NLGN1: variants seen among roughly 807,000 people sequenced by gnomAD.
NLGN1 encodes neuroligin 1.
NLGN1 carries 12 observed loss-of-function variants against 65.5 expected under a neutral mutation model. The observed-to-expected ratio is 0.18, with a 90% confidence interval of 0.12 to 0.30. NLGN1 has a LOEUF of 0.30. Ranked by LOEUF, NLGN1 falls within the 10% of genes least tolerant of loss-of-function variation. The pLI is 1.00. For missense variants in NLGN1, 750 were observed against 1,007.1 expected (o/e 0.74, Z 3.46); for synonymous variants, 350 against 359.5 (o/e 0.97, Z 0.30).
intron 4 of NLGN1, among the ~76,000 whole-genome samples, chr3:174,113,886 T>C (rs1191620311): frequency 6.6e-6 from 1 of 152,194 alleles, no homozygotes; most frequent in Non-Finnish European, 1.5e-5. Flanking sequence ...GAAGAGTCTA[T>C]ATCAGCTCTT....
chr3:173,935,630 T>A (rs1022953997), intron 4 of NLGN1, among the ~76,000 whole-genome samples: 22 of 145,932 alleles, frequency 1.5e-4, no homozygotes, highest in East Asian at 5.9e-4. Flanking sequence ...ACACTCTCTC[T>A]CTCTCTCTCT....
intron 2 of NLGN1, among the ~76,000 whole-genome samples, chr3:173,534,708 C>T (rs544931529): frequency 6.6e-6 from 1 of 152,178 alleles, no homozygotes; most frequent in African/African-American, 2.4e-5. Context: ...GAAATTAAGG[C>T]CAAGACAGTA....
chr3:174,034,254 C>G (rs1288305458), intron 4 of NLGN1, among the ~76,000 whole-genome samples: 1 of 151,892 alleles, frequency 6.6e-6, no homozygotes, highest in Non-Finnish European at 1.5e-5. Flanking sequence ...TAAAGCTTTT[C>G]TCAAACAAAC....
At chr3:173,845,610 A>G (rs776127939) in intron 4 of NLGN1, among the ~76,000 whole-genome samples, 43 of 95,244 alleles carry the variant, frequency 4.5e-4, no homozygotes, top group Non-Finnish European at 8.1e-4. Flanking sequence ...GTGGATGGAT[A>G]GATAGATAGA....
At chr3:174,087,278 A>C (rs992385152) in intron 4 of NLGN1, among the ~76,000 whole-genome samples, 2 of 152,190 alleles carry the variant, frequency 1.3e-5, no homozygotes, top group African/African-American at 4.8e-5. Flanking sequence ...ACCTAAAATA[A>C]AAGTAAAAAA....
intron 4 of NLGN1, among the ~76,000 whole-genome samples, chr3:174,053,341 A>C (rs1735331797): frequency 6.6e-6 from 1 of 152,014 alleles, no homozygotes; most frequent in African/African-American, 2.4e-5. Context: ...GGACAACAGA[A>C]AAATGGCCAT....
chr3:173,905,403 G>T (rs557805860), intron 4 of NLGN1, among the ~76,000 whole-genome samples: 1 of 151,870 alleles, frequency 6.6e-6, no homozygotes, highest in Admixed American at 6.5e-5. Flanking sequence ...CGTTAAGAAA[G>T]ATTTCAAGGC....
chr3:174,074,542 T>C (rs1306170350), intron 4 of NLGN1, among the ~76,000 whole-genome samples: 2 of 152,184 alleles, frequency 1.3e-5, no homozygotes, highest in Non-Finnish European at 2.9e-5. Flanking sequence ...TGGAATAAAA[T>C]GCAAGTCATA....
At chr3:173,445,267 C>CA (rs60140480) in intron 2 of NLGN1, among the ~76,000 whole-genome samples, 2,341 of 103,338 alleles carry the variant, frequency 0.023, 186 homozygotes, top group African/African-American at 0.053. Context: ...GACTCCGTCT[C>CA]AAAAAAAAAA....
At chr3:173,626,351 A>AT (rs1234765519) in intron 3 of NLGN1, among the ~76,000 whole-genome samples, 1 of 152,010 alleles carries the variant, frequency 6.6e-6, no homozygotes, top group Non-Finnish European at 1.5e-5. Context: ...ACATTTTTAT[A>AT]TTTTTGAATT....
intron 2 of NLGN1, among the ~76,000 whole-genome samples, chr3:173,542,100 A>G (rs1210594776): frequency 6.6e-6 from 1 of 151,734 alleles, no homozygotes; most frequent in African/African-American, 2.4e-5. Context: ...GTTTTCCCTT[A>G]TTTACTTTGT....
intron 3 of NLGN1, among the ~76,000 whole-genome samples, chr3:173,731,042 G>A (rs1274582781): frequency 6.6e-6 from 1 of 152,044 alleles, no homozygotes; most frequent in African/African-American, 2.4e-5. Context: ...GAGCGGCTCT[G>A]CAGAATAATT....
At chr3:174,261,161 G>A (rs991820470) in intron 4 of NLGN1, among the ~76,000 whole-genome samples, 17 of 152,100 alleles carry the variant, frequency 1.1e-4, no homozygotes, top group Admixed American at 3.3e-4. Context: ...TTGCCTTGGC[G>A]ATGCAGGCTC....
intron 3 of NLGN1, among the ~76,000 whole-genome samples, chr3:173,746,386 C>G (rs67200803): frequency 0.18 from 26,903 of 152,050 alleles, 3,195 homozygotes; most frequent in East Asian, 0.49. Flanking sequence ...TAGCTAGACT[C>G]TATATGACCT....
At position 173,862,053 on chromosome 3, in the gene NLGN1, GC is replaced by G. The variant is rs76773746; in HGVS notation, c.646+54223del. On this transcript the variant is annotated intron_variant, in intron 4 of 6. Transcript: ENST00000457714. ...CAAAGTGCTGGAATTACAGGCGTGA[GC>G]CACCACACCCGGCCAATTTTTCATT... Among the ~76,000 whole-genome samples, 89 of 151,962 alleles carry G rather than the reference GC, an allele frequency of 5.9e-4. No individual in the cohort carries two copies. The East Asian group carries it at 0.014, about 24-fold the overall frequency.
chr3:174,258,640 A>G (rs572276486), intron 4 of NLGN1, among the ~76,000 whole-genome samples: 1 of 152,310 alleles, frequency 6.6e-6, no homozygotes, highest in East Asian at 1.9e-4. Flanking sequence ...CTAATCTTTT[A>G]CCAGAAATCT....
intron 3 of NLGN1, among the ~76,000 whole-genome samples, chr3:173,693,592 T>C (rs917229593): frequency 6.6e-6 from 1 of 152,072 alleles, no homozygotes; most frequent in Non-Finnish European, 1.5e-5. Context: ...TTTTAACTTA[T>C]ATTGGCATTC....
chr3:174,184,960 T>C (rs919651056), intron 4 of NLGN1, among the ~76,000 whole-genome samples: 1 of 152,016 alleles, frequency 6.6e-6, no homozygotes, highest in Non-Finnish European at 1.5e-5. Context: ...GGAAAAAATA[T>C]GACCACAGAT....
At chr3:173,816,118 T>C (rs1269271707) in intron 4 of NLGN1, among the ~76,000 whole-genome samples, 1 of 150,628 alleles carries the variant, frequency 6.6e-6, no homozygotes, top group Admixed American at 6.6e-5. Flanking sequence ...TATCTAATTA[T>C]AATTGTCAAA....
Sources: gnomAD v4.1 joint callset for allele counts (sites outside exome capture counted in the v4.1 genomes callset) on GRCh38, gnomAD v4.1.1 for gene constraint, MANE v1.5 for transcripts, NCBI Gene and HGNC (gene_info 2026-07-23, HGNC 2026-07-21) for gene names.